Variants in SLC17A8 observed in about 807,000 individuals in gnomAD.
SLC17A8 encodes solute carrier family 17 member 8.
A neutral mutation model predicts 58.0 loss-of-function variants in SLC17A8; 31 were observed. That is an observed-to-expected ratio of 0.53 (90% CI 0.40 to 0.72). The LOEUF is 0.72. SLC17A8 is among the 30% of genes least tolerant of loss of function. The pLI is 0.00. For missense variants in SLC17A8, 655 were observed against 727.8 expected, an observed-to-expected ratio of 0.90 and a Z score of 1.15; for synonymous variants, 228 against 249.0, an observed-to-expected ratio of 0.92 and a Z score of 0.79.
chr12:100,366,634 T>C (rs1952522563), intron 1 of SLC17A8, among the ~76,000 whole-genome samples: 2 of 152,304 alleles, frequency 1.3e-5, no homozygotes, highest in Admixed American at 6.5e-5. Flanking sequence ...GTGTTGCAGG[T>C]TCCTTAGTCA....
chr12:100,392,034 A>C (rs919365049), intron 3 of SLC17A8, among the ~76,000 whole-genome samples: 2 of 152,126 alleles, frequency 1.3e-5, no homozygotes, highest in African/African-American at 4.8e-5. Context: ...CTGTCACCGG[A>C]GGTATTCAAG....
chr12:100,405,150 C>A (rs2136008312), intron 9 of SLC17A8, among the ~76,000 whole-genome samples: 1 of 152,314 alleles, frequency 6.6e-6, no homozygotes. Context: ...AGTCTGTTGG[C>A]ACCTGTTCTC....
chr12:100,382,668 C>T (rs1037894319), intron 2 of SLC17A8, among the ~76,000 whole-genome samples: 2 of 152,130 alleles, frequency 1.3e-5, no homozygotes, highest in African/African-American at 2.4e-5. Flanking sequence ...GAAGGCAGTG[C>T]GAGACCTGGA....
Position 100,380,719 on chromosome 12 carries a change from T to C in SLC17A8, c.120T>C (p.Thr40=). 1 of 1,614,008 alleles carries C rather than the reference T, an allele frequency of 6.2e-7. No homozygotes were observed. Residue 40 remains threonine, a synonymous_variant, in exon 2 of 12, where the codon ACT becomes ACC. Transcript: ENST00000323346. ...GILQRKIDGT[T]EEEDNIELNE... is the part of the protein sequence containing the mutation. ...CATGTAGAAAAATCGATGGGACAAC[T>C]GAGGAAGAAGATAACATTGAGCTGA...
intron 1 of SLC17A8, among the ~76,000 whole-genome samples, chr12:100,368,056 C>T (rs1439907919): frequency 3.9e-5 from 6 of 152,216 alleles, no homozygotes; most frequent in Non-Finnish European, 7.3e-5. Context: ...GATGTTAGAC[C>T]CTGTGTCATG....
chr12:100,418,094 G>T lies in SLC17A8; in HGVS notation c.1363G>T (p.Gly455Ter), dbSNP rs1474758888. 1 of 1,614,110 alleles carries T rather than the reference G, an allele frequency of 6.2e-7. No individual in the cohort carries two copies. Residue 455 changes from glycine to a stop codon, truncating the protein, a stop_gained, in exon 11 of 12, where the codon GGA becomes TGA. Transcript: ENST00000323346. LOFTEE classifies it high-confidence loss of function. ...YASILMGISN[G>*]VGTLSGMVCP... ...CAGCATTCTCATGGGGATCTCAAAC[G>T]GAGTGGGAACCCTCTCTGGAATGGT...
chr12:100,382,961 T>C (rs554135614), intron 2 of SLC17A8, among the ~76,000 whole-genome samples: 1 of 152,320 alleles, frequency 6.6e-6, no homozygotes, highest in South Asian at 2.1e-4. Flanking sequence ...TAGTCTCTAT[T>C]TGATGCCACA....
At chr12:100,367,861 AT>A (rs932719999) in intron 1 of SLC17A8, among the ~76,000 whole-genome samples, 2 of 152,012 alleles carry the variant, frequency 1.3e-5, no homozygotes, top group African/African-American at 4.8e-5. Flanking sequence ...CTTTCAAGTT[AT>A]TTTTTTTAAA....
intron 9 of SLC17A8, among the ~76,000 whole-genome samples, chr12:100,405,824 G>C (rs1417113825): frequency 6.6e-6 from 1 of 152,068 alleles, no homozygotes; most frequent in African/African-American, 2.4e-5. Flanking sequence ...TGAGTTTGTG[G>C]TAATTTATTA....
chr12:100,391,357 T>C (rs377601540), intron 3 of SLC17A8, among the ~76,000 whole-genome samples: 8 of 152,118 alleles, frequency 5.3e-5, no homozygotes, highest in African/African-American at 1.4e-4. Context: ...TGATCTTGGC[T>C]CACTGCAACC....
intron 1 of SLC17A8, among the ~76,000 whole-genome samples, chr12:100,375,353 C>T (rs1051612480): frequency 2.0e-5 from 3 of 151,942 alleles, no homozygotes; most frequent in African/African-American, 4.8e-5. Flanking sequence ...CAAACTGCTA[C>T]CTGTGTAGGA....
At chr12:100,404,321 C>T in intron 9 of SLC17A8, 151 bp downstream of exon 9, 1 of 951,120 alleles carries the variant, frequency 1.1e-6, no homozygotes, top group Non-Finnish European at 1.6e-6. Flanking sequence ...GAGTGTTGTC[C>T]ATCACAGTGC....
intron 1 of SLC17A8, among the ~76,000 whole-genome samples, chr12:100,366,111 T>C (rs1465625142): frequency 1.4e-5 from 2 of 142,674 alleles, no homozygotes; most frequent in Non-Finnish European, 3.0e-5. Context: ...TGGGATCCAA[T>C]GGGGGCTACC....
At chr12:100,391,787 T>C (rs189488860) in intron 3 of SLC17A8, among the ~76,000 whole-genome samples, 1 of 152,274 alleles carries the variant, frequency 6.6e-6, no homozygotes, top group African/African-American at 2.4e-5. Context: ...CTCAGTTTCT[T>C]CATCTGTGAA....
chr12:100,408,544 A>C (rs1952842619), intron 9 of SLC17A8, among the ~76,000 whole-genome samples: 1 of 152,208 alleles, frequency 6.6e-6, no homozygotes, highest in Non-Finnish European at 1.5e-5. Context: ...TTTATCCTTA[A>C]GCTCCTGAAA....
At position 100,401,806 on chromosome 12, in the gene SLC17A8, C is replaced by T. The variant is rs772146523; in HGVS notation, c.706C>T (p.Pro236Ser). The T allele has an allele frequency of 3.7e-6, 6 of 1,613,992 alleles. No individual in the cohort carries two copies. The highest frequency in any genetic ancestry group is 2.2e-5 in the South Asian group (2 of 91,080). ...CTATGCAGGGGCAGTGGTTGCCATG[C>T]CCCTGGCTGGGGTGTTGGTGCAGTA... ...GSYAGAVVAM[P>S]LAGVLVQYIG... The change falls in exon 6 of 12, where the codon CCC becomes TCC. Residue 236 changes from proline to serine, a missense_variant. Physicochemically the swap from Pro to Ser is moderately conservative, Grantham distance 74. Coordinates refer to ENST00000323346, the MANE Select transcript of SLC17A8 (RefSeq NM_139319.3).
intron 5 of SLC17A8, among the ~76,000 whole-genome samples, chr12:100,401,451 T>C (rs1566400049): frequency 6.6e-6 from 1 of 152,142 alleles, no homozygotes; most frequent in Non-Finnish European, 1.5e-5. Context: ...GCTTCCAATA[T>C]TGCGCCTGGT....
At chr12:100,394,615 C>T (rs1372717829) in intron 4 of SLC17A8, among the ~76,000 whole-genome samples, 1 of 150,642 alleles carries the variant, frequency 6.6e-6, no homozygotes, top group Non-Finnish European at 1.5e-5. Flanking sequence ...GTTGGCCAGG[C>T]TGGTCTTGAA....
Position 100,420,391 on chromosome 12 carries a change from T to C in SLC17A8, c.*232T>C. On this transcript the variant is annotated 3_prime_UTR_variant, in exon 12 of 12. Coordinates refer to ENST00000323346, the MANE Select transcript of SLC17A8 (RefSeq NM_139319.3). ...TATTTTTTGAATTGACAGTTGACCC[T>C]TCTCTCAAAGAGCTAAACTTATTCA... The C allele has an allele frequency of 2.0e-6, 1 of 501,328 alleles. No individual in the cohort carries two copies. Among genetic ancestry groups the C allele is most frequent in the South Asian group, 2.6e-5 (1 of 38,376 alleles). 31.1% of individuals were successfully genotyped at this position (501,328 alleles called of 1,614,324 possible).
Sources: allele counts gnomAD v4.1 joint callset (sites outside exome capture counted in the v4.1 genomes callset), GRCh38; gene constraint gnomAD v4.1.1; transcripts MANE v1.5; gene names NCBI Gene and HGNC (gene_info 2026-07-23, HGNC 2026-07-21).